ZNF33A: variants seen among roughly 807,000 people sequenced by gnomAD.
ZNF33A encodes the protein zinc finger protein 33A.
Under a neutral mutation model 15.9 loss-of-function variants are expected in ZNF33A, and 9 were observed. The observed-to-expected ratio is 0.57, with a 90% CI of 0.34 to 0.99. ZNF33A has a LOEUF of 0.99. Among genes scored for constraint, ZNF33A ranks in the 50% least tolerant of loss-of-function variants. The pLI is 0.02. For synonymous variants in ZNF33A, 294 were observed against 324.2 expected (o/e 0.91, Z 1.00); for missense variants, 843 against 941.6 (o/e 0.90, Z 1.37).
downstream of ZNF33A, among the ~76,000 whole-genome samples, chr10:38,061,034 A>G (rs2066648861): frequency 2.0e-5 from 3 of 152,172 alleles, no homozygotes; most frequent in Non-Finnish European, 4.4e-5. Flanking sequence ...CAGTCACTGT[A>G]CAGTGACGAA....
At chr10:38,067,680 G>C (rs2066720265), downstream of ZNF33A, among the ~76,000 whole-genome samples, 1 of 147,980 alleles carries the variant, frequency 6.8e-6, no homozygotes, top group Non-Finnish European at 1.5e-5. Context: ...ACACAGATTA[G>C]AAAGGGTGAT....
intron 1 of ZNF33A, 144 bp downstream of exon 1, chr10:38,010,927 G>T: frequency 1.0e-6 from 1 of 973,242 alleles, no homozygotes; most frequent in Non-Finnish European, 1.5e-6. Context: ...TGCAGCGTGT[G>T]GGCCACGACG....
intron 4 of ZNF33A, among the ~76,000 whole-genome samples, chr10:38,051,729 G>GA (rs1485703142): frequency 5.3e-5 from 8 of 151,622 alleles, no homozygotes; most frequent in African/African-American, 1.7e-4. Flanking sequence ...TATATTAAAA[G>GA]AAAAAAGCAT....
downstream of ZNF33A, among the ~76,000 whole-genome samples, chr10:38,060,474 C>T (rs1370012029): frequency 6.6e-6 from 1 of 152,198 alleles, no homozygotes; most frequent in African/African-American, 2.4e-5. Context: ...TCGCCACAAC[C>T]CCTCCTTTTC....
intron 1 of ZNF33A, among the ~76,000 whole-genome samples, chr10:38,011,725 C>T (rs1424825347): frequency 6.6e-6 from 1 of 152,158 alleles, no homozygotes; most frequent in Admixed American, 6.5e-5. Context: ...ACCCCTAAGC[C>T]AGTACTGTCT....
intron 4 of ZNF33A, among the ~76,000 whole-genome samples, chr10:38,053,380 G>T (rs771689262): frequency 1.3e-5 from 2 of 152,054 alleles, no homozygotes; most frequent in Admixed American, 1.3e-4. Flanking sequence ...TGGGTTGGGG[G>T]AGAAAGAGAG....
chr10:38,048,768 T>C (rs898902496), intron 4 of ZNF33A, among the ~76,000 whole-genome samples: 2 of 152,138 alleles, frequency 1.3e-5, no homozygotes, highest in Non-Finnish European at 2.9e-5. Flanking sequence ...ACAAAATATT[T>C]GAAGCAAAAT....
chr10:38,038,209 T>C (rs2065537722), intron 4 of ZNF33A, among the ~76,000 whole-genome samples: 1 of 152,094 alleles, frequency 6.6e-6, no homozygotes, highest in East Asian at 1.9e-4. Context: ...CTCGGCTCAC[T>C]GCGTCTCAGC....
chr10:38,043,360 G>A (rs376996227), intron 4 of ZNF33A, among the ~76,000 whole-genome samples: 1 of 136,702 alleles, frequency 7.3e-6, no homozygotes, highest in East Asian at 2.4e-4. Context: ...GGTAGGGGGA[G>A]GGGGGAGGGA....
At position 38,017,406 on chromosome 10, in the gene ZNF33A, A is replaced by T. The variant is rs750819686; in HGVS notation, c.250+20A>T. ...TTCCAGGTGAGTTAATATGTACTGC[A>T]CAGATTCACATCAGGGGATTTGTTG... On this transcript the variant is annotated intron_variant, in intron 4 of 4. Transcript: ENST00000432900. 1.8e-5 allele frequency: 29 copies of T among 1,569,750 alleles called. No homozygotes were observed. Among genetic ancestry groups the T allele is most frequent in the Non-Finnish European group, 2.5e-5 (29 of 1,144,588 alleles).
chr10:38,031,376 C>T (rs1456103949), intron 4 of ZNF33A, among the ~76,000 whole-genome samples: 2 of 151,932 alleles, frequency 1.3e-5, no homozygotes, highest in East Asian at 3.9e-4. Flanking sequence ...TTGAGACCAA[C>T]CTGGGCAACA....
chr10:38,028,569 G>A (rs868493208), intron 4 of ZNF33A, among the ~76,000 whole-genome samples: 8 of 151,890 alleles, frequency 5.3e-5, no homozygotes, highest in Non-Finnish European at 1.2e-4. Context: ...CTGGGTTCAA[G>A]TGATTCTCAT....
chr10:38,054,740 A>T lies in ZNF33A; in HGVS notation c.616A>T (p.Thr206Ser), dbSNP rs1415479090. 2 of 1,613,618 alleles carry T rather than the reference A, an allele frequency of 1.2e-6. No individual in the cohort carries two copies. The highest frequency in any genetic ancestry group is 4.5e-5 in the East Asian group (2 of 44,860). ...GAACACACTGAGTCATCATGAGGAG[A>T]CTTTGCAGCATGAGAAGATTCAAAC... is the stretch of plus-strand genomic sequence containing the variant. The part of the protein sequence containing the change: ...NRNTLSHHEE[T>S]LQHEKIQTLE... Residue 206 changes from threonine to serine, a missense_variant, in exon 5 of 5, where the codon ACT (threonine) becomes TCT (serine). Thr to Ser is a moderately conservative substitution (Grantham distance 58). Transcript: ENST00000432900.
rs372165025 is a variant in ZNF33A at position 38,056,200 on chromosome 10, C to A, written c.2076C>A (p.Pro692=). The A allele has an allele frequency of 1.3e-4, 205 of 1,613,960 alleles. No homozygotes were observed. The highest frequency in any genetic ancestry group is 1.7e-4 in the Non-Finnish European group (198 of 1,179,998). Residue 692 remains proline (P), a synonymous_variant, in exon 5 of 5, where the codon CCC becomes CCA. Coordinates refer to ENST00000432900, the MANE Select transcript of ZNF33A (RefSeq NM_006954.2). The part of the protein sequence containing the change: ...FHERKHTGEK[P]YECNECGKFF... ...AGAGAAAGCACACGGGGGAGAAACCCTATGAATGCAATGAATGTGGGAAAT... is the reference window on the plus strand; with the variant it reads ...AGAGAAAGCACACGGGGGAGAAACCATATGAATGCAATGAATGTGGGAAAT...
intron 4 of ZNF33A, among the ~76,000 whole-genome samples, chr10:38,041,316 G>A (rs2065689802): frequency 6.7e-6 from 1 of 149,216 alleles, no homozygotes; most frequent in African/African-American, 2.5e-5. Context: ...ATGATTATGT[G>A]TATACAACAT....
At chr10:38,013,605 C>T (rs1475846673) in intron 2 of ZNF33A, among the ~76,000 whole-genome samples, 1 of 150,972 alleles carries the variant, frequency 6.6e-6, no homozygotes, top group Admixed American at 6.6e-5. Flanking sequence ...ATTATAGGCA[C>T]GCACCACCAT....
intron 4 of ZNF33A, among the ~76,000 whole-genome samples, chr10:38,047,021 A>T (rs913595648): frequency 4.5e-4 from 68 of 151,946 alleles, no homozygotes; most frequent in African/African-American, 1.6e-3. Flanking sequence ...AAAATGCAAC[A>T]GCAAAAAAAT....
At chr10:38,039,675 A>C in intron 4 of ZNF33A, 1 of 433,548 alleles carries the variant, frequency 2.3e-6, no homozygotes, top group Admixed American at 2.7e-5. Flanking sequence ...GTTGGCATAC[A>C]TTGTTCATAC....
intron 4 of ZNF33A, among the ~76,000 whole-genome samples, chr10:38,048,475 A>G (rs114053098): frequency 0.011 from 1,702 of 151,758 alleles, 36 homozygotes; most frequent in African/African-American, 0.038. Flanking sequence ...AATGGTCTAA[A>G]ACACCCCATT....
Sources: gnomAD v4.1 joint callset for allele counts (sites outside exome capture counted in the v4.1 genomes callset) on GRCh38, gnomAD v4.1.1 for gene constraint, MANE v1.5 for transcripts, NCBI Gene and HGNC (gene_info 2026-07-23, HGNC 2026-07-21) for gene names.